The following ASTN2 variants were observed in gnomAD, a reference collection of about 807,000 sequenced individuals.
ASTN2 encodes the protein astrotactin-2.
In ASTN2, 54 loss-of-function variants were observed where a neutral mutation model predicts 139.8. The observed-to-expected ratio is 0.39, with a 90% CI of 0.31 to 0.48. ASTN2 has a LOEUF of 0.48. ASTN2 is among the 20% of genes least tolerant of loss of function. ASTN2 has a pLI of 0.95. For synonymous variants in ASTN2, 756 were observed against 719.5 expected, an observed-to-expected ratio of 1.05 and a Z score of -0.81; for missense variants, 1,565 against 1,725.1, an observed-to-expected ratio of 0.91 and a Z score of 1.64.
chr9:116,522,953 C>T (rs1383737313), intron 19 of ASTN2, among the ~76,000 whole-genome samples: 1 of 152,116 alleles, frequency 6.6e-6, no homozygotes, highest in Non-Finnish European at 1.5e-5. Context: ...GGCTATCATA[C>T]CTTCCAAAAT....
chr9:116,730,768 G>C (rs1219387002), intron 14 of ASTN2, among the ~76,000 whole-genome samples: 4 of 152,168 alleles, frequency 2.6e-5, no homozygotes, highest in Non-Finnish European at 2.9e-5. Context: ...TCACTTGGTG[G>C]CATGATGTCC....
At chr9:116,838,101 G>GGT (rs1832062363) in intron 11 of ASTN2, among the ~76,000 whole-genome samples, 2 of 134,142 alleles carry the variant, frequency 1.5e-5, no homozygotes, top group Admixed American at 7.8e-5. Flanking sequence ...GCCTGGCTGT[G>GGT]TTTTTTTTTG....
At chr9:117,096,268 G>T in intron 4 of ASTN2, 117 bp from the exon 5 acceptor site, 1 of 768,642 alleles carries the variant, frequency 1.3e-6, no homozygotes. Context: ...TAAATCCCAA[G>T]CAACCCAGGA....
intron 6 of ASTN2, among the ~76,000 whole-genome samples, chr9:117,025,138 AG>A (rs1283496560): frequency 6.6e-6 from 1 of 152,164 alleles, no homozygotes; most frequent in Non-Finnish European, 1.5e-5. Flanking sequence ...AAAGGGATTT[AG>A]GCAAAAGGAA....
At chr9:116,822,905 A>C (rs1213935970) in intron 11 of ASTN2, among the ~76,000 whole-genome samples, 14 of 152,160 alleles carry the variant, frequency 9.2e-5, no homozygotes, top group Non-Finnish European at 7.4e-5. Context: ...GATTGGCGTA[A>C]ATGCCATCAC....
intron 16 of ASTN2, among the ~76,000 whole-genome samples, chr9:116,674,657 CA>C (rs1490562633): frequency 6.6e-6 from 1 of 152,160 alleles, no homozygotes; most frequent in Non-Finnish European, 1.5e-5. Context: ...CCTGGCCTTC[CA>C]AGAAGGTTTG....
Position 116,425,496 on chromosome 9 carries a change from G to T in ASTN2, c.*355C>A. 1 of 1,456,608 alleles carries T rather than the reference G, an allele frequency of 6.9e-7. No individual in the cohort carries two copies. Among genetic ancestry groups the T allele is most frequent in the Non-Finnish European group, 9.6e-7 (1 of 1,045,760 alleles). The allele number at this position is 1,456,608 out of a possible 1,614,324, so 90.2% of individuals were successfully genotyped here. Reference sequence around the variant, plus strand: ...AGGGGTCCATGGCAGGAAGAAAGCAGAGTGTGGCAGGAAGAAGGAAGAAGA... The same window carrying T: ...AGGGGTCCATGGCAGGAAGAAAGCATAGTGTGGCAGGAAGAAGGAAGAAGA... On this transcript the variant is annotated 3_prime_UTR_variant, in exon 23 of 23. Transcript: ENST00000313400.
chr9:116,542,988 C>T (rs547643534), intron 19 of ASTN2, among the ~76,000 whole-genome samples: 1 of 132,930 alleles, frequency 7.5e-6, no homozygotes, highest in African/African-American at 2.5e-5. Flanking sequence ...TGGAATCATC[C>T]AGCTGAAAAA....
chr9:116,790,677 A>ATTT (rs372460577), intron 13 of ASTN2, among the ~76,000 whole-genome samples: 4 of 138,222 alleles, frequency 2.9e-5, no homozygotes, highest in African/African-American at 1.1e-4. Context: ...ATCTCCAGAG[A>ATTT]TTTTTTTTTT....
At chr9:116,688,822 C>T (rs113050442) in intron 16 of ASTN2, among the ~76,000 whole-genome samples, 1 of 152,004 alleles carries the variant, frequency 6.6e-6, no homozygotes, top group Non-Finnish European at 1.5e-5. Context: ...GGGGCAGTGG[C>T]TCTGTGAGTG....
intron 19 of ASTN2, among the ~76,000 whole-genome samples, chr9:116,560,369 G>A (rs1266385854): frequency 6.6e-6 from 1 of 152,090 alleles, no homozygotes; most frequent in East Asian, 1.9e-4. Flanking sequence ...ACCCCTTACG[G>A]AGCATCAAGC....
chr9:117,074,263 G>GGAT (rs1217314446), intron 5 of ASTN2, among the ~76,000 whole-genome samples: 1 of 152,140 alleles, frequency 6.6e-6, no homozygotes, highest in African/African-American at 2.4e-5. Flanking sequence ...AGGAGGAGGA[G>GGAT]GAGGAATAGA....
intron 10 of ASTN2, among the ~76,000 whole-genome samples, chr9:116,873,951 C>A (rs1049556128): frequency 1.3e-5 from 2 of 152,150 alleles, no homozygotes; most frequent in Non-Finnish European, 2.9e-5. Context: ...GAACACTGAC[C>A]CAATGAAACC....
At chr9:117,054,139 C>T (rs898811669) in intron 5 of ASTN2, among the ~76,000 whole-genome samples, 3 of 152,104 alleles carry the variant, frequency 2.0e-5, no homozygotes, top group African/African-American at 7.2e-5. Context: ...TGGTCTAAAC[C>T]TTTCAAGCCT....
chr9:116,482,763 C>T (rs974617354), intron 20 of ASTN2, among the ~76,000 whole-genome samples: 3 of 152,216 alleles, frequency 2.0e-5, no homozygotes, highest in African/African-American at 7.2e-5. Context: ...TGGCCTAAGC[C>T]TCTGTTCCCA....
At chr9:117,143,383 C>T (rs375315751) in intron 3 of ASTN2, among the ~76,000 whole-genome samples, 4 of 152,276 alleles carry the variant, frequency 2.6e-5, no homozygotes, top group African/African-American at 7.2e-5. Context: ...AGTTTTGATT[C>T]CGTAAACCCA....
rs750529134 is a variant in ASTN2 at position 116,613,050 on chromosome 9, G to A, written c.3355+5274C>T. 38 of 152,110 alleles carry A rather than the reference G, an allele frequency of 2.5e-4. 1 individual carries two copies. Among genetic ancestry groups the A allele is most frequent in the Admixed American group, 1.0e-3 (16 of 15,278 alleles). The allele number at this position is 152,110 out of a possible 1,614,324, so 9.4% of individuals were successfully genotyped here. ...AAATGATAAAGGGGATATCACCACC[G>A]ATCCCACAGAAATACAAACTACCAT... On this transcript the variant is annotated intron_variant, in intron 19 of 22. Transcript: ENST00000313400.
intron 3 of ASTN2, among the ~76,000 whole-genome samples, chr9:117,211,681 C>G (rs1832134724): frequency 6.6e-6 from 1 of 152,064 alleles, no homozygotes; most frequent in African/African-American, 2.4e-5. Flanking sequence ...AGACTAATAA[C>G]TAACTGATAA....
chr9:117,024,606 G>C (rs1010078300), intron 6 of ASTN2, among the ~76,000 whole-genome samples: 25 of 152,082 alleles, frequency 1.6e-4, no homozygotes, highest in African/African-American at 6.0e-4. Flanking sequence ...AATCAGTGTA[G>C]TGATAAAGAT....
Sources: gnomAD v4.1 joint callset for allele counts (sites outside exome capture counted in the v4.1 genomes callset) on GRCh38, gnomAD v4.1.1 for gene constraint, MANE v1.5 for transcripts, NCBI Gene and HGNC (gene_info 2026-07-23, HGNC 2026-07-21) for gene names.